Variants in PTPN23 observed in about 807,000 individuals in gnomAD.
The protein encoded by PTPN23 is protein tyrosine phosphatase non-receptor type 23, also known as tyrosine-protein phosphatase non-receptor type 23.
In PTPN23, 72 loss-of-function variants were observed where a neutral mutation model predicts 156.3. The ratio of observed to expected loss-of-function variants is 0.46; its 90% CI spans 0.38 to 0.56. The LOEUF is 0.56. Ranked by LOEUF, PTPN23 falls within the 20% of genes least tolerant of loss-of-function variation. PTPN23 has a pLI of 0.00. For synonymous variants in PTPN23, 957 were observed against 899.6 expected, an observed-to-expected ratio of 1.06 and a Z score of -1.14; for missense variants, 1,974 against 2,171.5, an observed-to-expected ratio of 0.91 and a Z score of 1.81.
In PTPN23 at chr3:47,407,684, C is replaced by A; in HGVS notation, c.1004-13C>A. 3 of 1,562,944 alleles carry A rather than the reference C, an allele frequency of 1.9e-6. No individual in the cohort carries two copies. The highest frequency in any genetic ancestry group is 2.6e-6 in the Non-Finnish European group (3 of 1,133,766). Reference sequence around the variant, plus strand: ...CTGCGTGGGCCTGATCTCCACAATTCCCACCCCCCCAGGAGCCCCCTTGGT... The same window carrying A: ...CTGCGTGGGCCTGATCTCCACAATTACCACCCCCCCAGGAGCCCCCTTGGT... On this transcript the variant is annotated splice_polypyrimidine_tract_variant and intron_variant, in intron 12 of 24. Transcript: ENST00000265562. This position sits in a 1 kb window ranked among gnomAD's most constrained non-coding sequence, Gnocchi z 4.0.
At position 47,387,940 on chromosome 3, in the gene PTPN23, A is replaced by G. The variant is rs145968487; in HGVS notation, c.84+6760A>G. On this transcript the variant is annotated intron_variant, in intron 1 of 24. Coordinates refer to ENST00000265562, the MANE Select transcript of PTPN23 (RefSeq NM_015466.4). ...TCTGCAAAATCATGGCAGGACCAGG[A>G]TGGTTGTTTCCAGTGATCTCACCTA... 2.0e-3 allele frequency among the ~76,000 whole-genome samples: 299 copies of G among 152,258 alleles called. 2 individuals carry two copies. The highest frequency in any genetic ancestry group is 6.8e-3 in the African/African-American group (281 of 41,558).
chr3:47,408,826 G>C lies in PTPN23; in HGVS notation c.1381G>C (p.Asp461His), dbSNP rs1200997376. Residue 461 changes from aspartate (D) to histidine (H), a missense_variant, in exon 16 of 25, where the codon GAT becomes CAT. Around this residue, in one of 4 missense-constraint regions of PTPN23, gnomAD observed 726 missense variants for 929.5 expected, o/e 0.78. Coordinates refer to ENST00000265562, the MANE Select transcript of PTPN23 (RefSeq NM_015466.4). ...GGAGGCTTCCCTGAAGGACATCAGAGATCTGTTGGAGGAGGATGAGCTGCT... is the reference window on the plus strand; with the variant it reads ...GGAGGCTTCCCTGAAGGACATCAGACATCTGTTGGAGGAGGATGAGCTGCT... ...DVEASLKDIR[D>H]LLEEDELLEQ... The C allele has an allele frequency of 6.2e-7, 1 of 1,613,196 alleles. No homozygotes were observed. The highest frequency in any genetic ancestry group is 1.1e-5 in the South Asian group (1 of 90,920).
rs1370809157 is a variant in PTPN23 at position 47,409,646 on chromosome 3, G to T, written c.1950-9G>T. On this transcript the variant is annotated splice_polypyrimidine_tract_variant and intron_variant, in intron 18 of 24. Transcript: ENST00000265562. The stretch of plus-strand genomic sequence containing the variant: ...TGGTTCACCTGGAGCTGGCCCTTCT[G>T]CCCACCAGGTGGAACTCCACGCTGC... The T allele has an allele frequency of 1.2e-6, 2 of 1,612,592 alleles. No individual in the cohort carries two copies.
At position 47,405,883 on chromosome 3, in the gene PTPN23, T is replaced by C. The variant is rs772902567; in HGVS notation, c.415-32T>C. On this transcript the variant is annotated intron_variant, in intron 5 of 24. Coordinates refer to ENST00000265562, the MANE Select transcript of PTPN23 (RefSeq NM_015466.4). The surrounding 1 kb of genome is among the most constrained non-coding windows in gnomAD (Gnocchi z 4.7). ...TATGGATGAATCCTGACCCATGGAG[T>C]GGACACAGGCCATCCTCCCACTCCC... 3.1e-6 allele frequency: 5 copies of C among 1,608,040 alleles called. No individual in the cohort carries two copies. The African/African-American group carries it at 6.7e-5, about 22-fold the overall frequency.
At position 47,406,326 on chromosome 3, in the gene PTPN23, G is replaced by C. The variant is rs1559525097; in HGVS notation, c.548G>C (p.Gly183Ala). ...ILTLNVNLML[G>A]QAQECLLEKS... ...AGTGCACCTCACGTGTCGCCCCAGG[G>C]CCAGGCTCAGGAGTGCCTCCTGGAG... The change falls in exon 7 of 25, where the codon GGC (glycine) becomes GCC (alanine). Residue 183 changes from glycine (G) to alanine (A), a missense_variant and splice_region_variant. By Grantham distance (60) the Gly-to-Ala change is moderately conservative (BLOSUM62 0). Transcript: ENST00000265562. The surrounding 1 kb of genome is among the most constrained non-coding windows in gnomAD (Gnocchi z 5.8). 2.5e-6 allele frequency: 4 copies of C among 1,613,604 alleles called. No homozygotes were observed. Among genetic ancestry groups the C allele is most frequent in the Non-Finnish European group, 3.4e-6 (4 of 1,180,002 alleles).
In PTPN23 at chr3:47,406,453, C is replaced by G. The variant is rs200515513; in HGVS notation, c.628-28C>G. The G allele has an allele frequency of 5.0e-6, 8 of 1,613,804 alleles. No homozygotes were observed. In the East Asian group the frequency reaches 6.7e-5, roughly 13 times the overall value. ...GCCTTCACTTTACTGCTGACTCCCC[C>G]ACTCATTGGGCCCCACCCTGTTCTC... On this transcript the variant is annotated intron_variant, in intron 7 of 24. Coordinates refer to ENST00000265562, the MANE Select transcript of PTPN23 (RefSeq NM_015466.4). This position sits in a 1 kb window ranked among gnomAD's most constrained non-coding sequence, Gnocchi z 5.8.
rs1559529854 is a variant in PTPN23, at chr3:47,411,683, G to A, written c.3885G>A (p.Glu1295=). 1.9e-6 allele frequency: 3 copies of A among 1,601,342 alleles called. No homozygotes were observed. Among genetic ancestry groups the A allele is most frequent in the East Asian group, 2.2e-5 (1 of 44,606 alleles). Residue 1295 remains glutamate, a synonymous_variant, in exon 20 of 25, where the codon GAG becomes GAA. Transcript: ENST00000265562. The surrounding 1 kb of genome is among the most constrained non-coding windows in gnomAD (Gnocchi z 6.3). ...IVMLVSEAEM[E]KQKVARYFPT... ...TGCTGGTTTCTGAGGCTGAGATGGA[G>A]AAGGTGAGAAGAGGGGGTGGGTGCC...
chr3:47,398,132 C>T (rs1284581909), intron 2 of PTPN23, among the ~76,000 whole-genome samples: 7 of 152,082 alleles, frequency 4.6e-5, no homozygotes, highest in African/African-American at 1.7e-4. Context: ...CCCCTCTCTA[C>T]GAAAAATACA....
At position 47,410,325 on chromosome 3, in the gene PTPN23, G is replaced by A. The variant is rs139305961; in HGVS notation, c.2527G>A (p.Val843Met). 236 of 1,606,132 alleles carry A rather than the reference G, an allele frequency of 1.5e-4. No homozygotes were observed. Among genetic ancestry groups the A allele is most frequent in the Non-Finnish European group, 1.9e-4 (220 of 1,176,202 alleles). Residue 843 changes from valine (V) to methionine (M), a missense_variant, in exon 20 of 25, where the codon GTG becomes ATG. Around this residue, in one of 4 missense-constraint regions of PTPN23, gnomAD observed 731 missense variants for 669.1 expected, o/e 1.09. Transcript: ENST00000265562. ...GCCCCGATCCTCCCCACAGCATGGC[G>A]TGGTGAGCAGTCCCTATGTGGGGGT... is the stretch of plus-strand genomic sequence containing the variant. ...LVPRSSPQHG[V>M]VSSPYVGVGP...
Position 47,410,696 on chromosome 3 carries a change from G to A in PTPN23, c.2898G>A (p.Ala966=), listed in dbSNP as rs771508009. The change falls in exon 20 of 25, where the codon GCG becomes GCA. Residue 966 remains alanine, a synonymous_variant. Coordinates refer to ENST00000265562, the MANE Select transcript of PTPN23 (RefSeq NM_015466.4). Reference sequence around the variant, plus strand: ...ATCCTCAGCCCCATCCTTCACAAGCGTTTGGGCCTCAGCCCCCACAGCAGC... The same window carrying A: ...ATCCTCAGCCCCATCCTTCACAAGCATTTGGGCCTCAGCCCCCACAGCAGC... ...QPHPQPHPSQ[A]FGPQPPQQPL... 18 of 1,601,630 alleles carry A rather than the reference G, an allele frequency of 1.1e-5. No individual in the cohort carries two copies. Among genetic ancestry groups the A allele is most frequent in the African/African-American group, 5.5e-5 (4 of 73,320 alleles).
chr3:47,404,424 T>TTA (rs1461335396), intron 2 of PTPN23, among the ~76,000 whole-genome samples: 1 of 151,176 alleles, frequency 6.6e-6, no homozygotes, highest in Non-Finnish European at 1.5e-5. Flanking sequence ...TTTTTTTTTT[T>TTA]TAAAAAAGGA....
intron 1 of PTPN23, among the ~76,000 whole-genome samples, 153 bp downstream of exon 1, chr3:47,381,333 C>G (rs1416193093): frequency 6.6e-6 from 1 of 152,214 alleles, no homozygotes; most frequent in Non-Finnish European, 1.5e-5. Context: ...CTCAGCCTGT[C>G]CCACACCCCG....
intron 1 of PTPN23, among the ~76,000 whole-genome samples, chr3:47,387,420 A>AG (rs1356387167): frequency 1.3e-5 from 2 of 150,824 alleles, no homozygotes; most frequent in African/African-American, 4.9e-5. Flanking sequence ...AAAAAAAAAA[A>AG]AAGAAAGGTC....
At chr3:47,402,500 G>T (rs913800295) in intron 2 of PTPN23, among the ~76,000 whole-genome samples, 1 of 151,982 alleles carries the variant, frequency 6.6e-6, no homozygotes, top group African/African-American at 2.4e-5. Context: ...GGCTGGTCTC[G>T]AATTCCTGGG....
chr3:47,393,935 A>T (rs1303399945), intron 1 of PTPN23, among the ~76,000 whole-genome samples: 1 of 148,064 alleles, frequency 6.8e-6, no homozygotes, highest in Non-Finnish European at 1.5e-5. Context: ...ATTTGTAGAG[A>T]TAGGGTCTCA....
intron 1 of PTPN23, 54 bp downstream of exon 1, chr3:47,381,234 A>T: frequency 6.5e-7 from 1 of 1,546,978 alleles, no homozygotes; most frequent in South Asian, 1.2e-5. Flanking sequence ...CGTCGTCTGC[A>T]AGCGCGTGAC....
chr3:47,406,806 G>C lies in PTPN23; in HGVS notation c.807+56G>C. On this transcript the variant is annotated intron_variant, in intron 9 of 24. Transcript: ENST00000265562. The surrounding 1 kb of genome is among the most constrained non-coding windows in gnomAD (Gnocchi z 5.8). ...CAATGGCAGCCTTCAGTGAGATGCC[G>C]GTGTGCTCCCGCTCCTTACACACCA... The C allele has an allele frequency of 6.2e-7, 1 of 1,600,730 alleles. No individual in the cohort carries two copies. Among genetic ancestry groups the C allele is most frequent in the African/African-American group, 1.3e-5 (1 of 74,778 alleles).
At chr3:47,382,398 C>T (rs1397979526) in intron 1 of PTPN23, among the ~76,000 whole-genome samples, 3 of 151,356 alleles carry the variant, frequency 2.0e-5, no homozygotes, top group Non-Finnish European at 2.9e-5. Flanking sequence ...CTCGGCTCAC[C>T]GCAACGTCAG....
At position 47,410,875 on chromosome 3, in the gene PTPN23, C is replaced by G. The variant is rs772666484; in HGVS notation, c.3077C>G (p.Pro1026Arg). The change falls in exon 20 of 25, where the codon CCT becomes CGT. Residue 1026 changes from proline (P) to arginine (R), a missense_variant. By Grantham distance (103) the Pro-to-Arg change is moderately radical (BLOSUM62 -2). Transcript: ENST00000265562. ...CTCTACCCAGGTCCCGCTCAAGACC[C>G]TCTGCCAGCCCACTCAGGGGCTCTG... The part of the protein sequence containing the change: ...TQLYPGPAQD[P>R]LPAHSGALPF... The G allele has an allele frequency of 2.2e-5, 35 of 1,611,318 alleles. No individual in the cohort carries two copies. Among genetic ancestry groups the G allele is most frequent in the Non-Finnish European group, 3.0e-5 (35 of 1,178,772 alleles).
Sources: allele counts gnomAD v4.1 joint callset (sites outside exome capture counted in the v4.1 genomes callset), GRCh38; gene constraint gnomAD v4.1.1; regional missense constraint gnomAD v4.1.1; non-coding constraint Gnocchi (gnomAD v3.1); transcripts MANE v1.5; gene names NCBI Gene and HGNC (gene_info 2026-07-23, HGNC 2026-07-21).